Variants in THSD7A observed in about 807,000 individuals in gnomAD.
THSD7A encodes the protein thrombospondin type-1 domain-containing protein 7A.
A neutral mutation model predicts 231.3 loss-of-function variants in THSD7A; 96 were observed. The observed-to-expected ratio is 0.41, with a 90% CI of 0.35 to 0.49. The LOEUF (loss-of-function observed/expected upper bound fraction) is 0.49, where lower values mean the gene tolerates loss of function less well. Ranked by LOEUF, THSD7A falls within the 20% of genes least tolerant of loss-of-function variation. THSD7A has a pLI of 0.05. For synonymous variants in THSD7A, 940 were observed against 743.3 expected (o/e 1.26, Z -4.30); for missense variants, 2,290 against 2,070.2 (o/e 1.11, Z -2.06).
chr7:11,576,300 G>A (rs1790901432), intron 4 of THSD7A, among the ~76,000 whole-genome samples: 1 of 152,108 alleles, frequency 6.6e-6, no homozygotes, highest in South Asian at 2.1e-4. Flanking sequence ...ATCATTGAAT[G>A]CAAGCAATTT....
chr7:11,821,493 G>A (rs1784872604), intron 1 of THSD7A, among the ~76,000 whole-genome samples: 1 of 151,548 alleles, frequency 6.6e-6, no homozygotes. Flanking sequence ...AACAGAACAT[G>A]TAAATAAACT....
At chr7:11,765,209 A>T (rs1227620821) in intron 1 of THSD7A, among the ~76,000 whole-genome samples, 2 of 152,236 alleles carry the variant, frequency 1.3e-5, no homozygotes, top group Non-Finnish European at 2.9e-5. Flanking sequence ...GTTCACTATA[A>T]AGGAGAAAAA....
intron 1 of THSD7A, among the ~76,000 whole-genome samples, chr7:11,760,696 C>A (rs1456807637): frequency 6.6e-6 from 1 of 151,960 alleles, no homozygotes; most frequent in Admixed American, 6.6e-5. Context: ...CATGTTGTAC[C>A]AGAGGCTTTA....
chr7:11,829,097 A>G (rs1396909424), intron 1 of THSD7A, among the ~76,000 whole-genome samples: 2 of 152,088 alleles, frequency 1.3e-5, no homozygotes, highest in East Asian at 1.9e-4. Context: ...ATACATATAT[A>G]AAATATGTAT....
intron 1 of THSD7A, among the ~76,000 whole-genome samples, chr7:11,819,567 G>A (rs1784805519): frequency 6.6e-6 from 1 of 152,150 alleles, no homozygotes; most frequent in East Asian, 1.9e-4. Context: ...CAACTGAAAA[G>A]GCTACATACG....
chr7:11,738,326 A>G (rs1055305382), intron 1 of THSD7A, among the ~76,000 whole-genome samples: 8 of 151,996 alleles, frequency 5.3e-5, no homozygotes, highest in Non-Finnish European at 1.0e-4. Flanking sequence ...TTCAGATTTC[A>G]GTGTTTTCTG....
At chr7:11,803,792 G>A (rs186572660) in intron 1 of THSD7A, among the ~76,000 whole-genome samples, 1 of 152,230 alleles carries the variant, frequency 6.6e-6, no homozygotes, top group East Asian at 1.9e-4. Context: ...TCCATTCCAA[G>A]ACAATCTAAT....
intron 22 of THSD7A, among the ~76,000 whole-genome samples, chr7:11,404,645 C>T (rs977717954): frequency 2.6e-5 from 4 of 152,214 alleles, no homozygotes; most frequent in Non-Finnish European, 5.9e-5. Flanking sequence ...AGACTAGTTT[C>T]AGCAGCAGGA....
intron 1 of THSD7A, among the ~76,000 whole-genome samples, chr7:11,800,528 A>G (rs1784246005): frequency 6.6e-6 from 1 of 152,180 alleles, no homozygotes; most frequent in Non-Finnish European, 1.5e-5. Context: ...TAGCCTGGGC[A>G]ACAAGAACGA....
chr7:11,601,203 C>T lies in THSD7A; in HGVS notation c.1023-7701G>A, dbSNP rs540741948. Among the ~76,000 whole-genome samples, 201 of 152,050 alleles carry T rather than the reference C, an allele frequency of 1.3e-3. 1 individual carries two copies. The highest frequency in any genetic ancestry group is 4.6e-3 in the African/African-American group (192 of 41,468). ...TTCGTATTCATATGTATACATTATC[C>T]TCTTTTTCATACTTATTAAGCTCAT... On this transcript the variant is annotated intron_variant, in intron 2 of 27. Transcript: ENST00000423059.
intron 1 of THSD7A, among the ~76,000 whole-genome samples, chr7:11,812,604 T>A (rs538082092): frequency 2.0e-5 from 3 of 152,308 alleles, no homozygotes; most frequent in Non-Finnish European, 2.9e-5. Context: ...TCATTTACTC[T>A]ATCTCCCTGT....
intron 1 of THSD7A, among the ~76,000 whole-genome samples, chr7:11,696,072 T>C (rs1287963953): frequency 2.6e-5 from 4 of 151,504 alleles, no homozygotes. Flanking sequence ...ATTTGGGGAA[T>C]GCTGAGGTGA....
At chr7:11,667,428 T>C (rs1783184561) in intron 1 of THSD7A, among the ~76,000 whole-genome samples, 1 of 152,194 alleles carries the variant, frequency 6.6e-6, no homozygotes, top group South Asian at 2.1e-4. Flanking sequence ...CTTTATCTTT[T>C]ATAAACTCCC....
At chr7:11,821,313 T>G in intron 1 of THSD7A, 1 of 790,910 alleles carries the variant, frequency 1.3e-6, no homozygotes, top group Non-Finnish European at 2.3e-6. Flanking sequence ...AACCAACAGT[T>G]TTGTTCTTAA....
chr7:11,746,374 C>A (rs751469543), intron 1 of THSD7A, among the ~76,000 whole-genome samples: 13 of 151,742 alleles, frequency 8.6e-5, no homozygotes, highest in Non-Finnish European at 1.8e-4. Flanking sequence ...TGGATTTCAC[C>A]AGTTTTTCCA....
Position 11,424,700 on chromosome 7 carries a change from C to G in THSD7A, c.3379G>C (p.Val1127Leu), listed in dbSNP as rs1453822904. The change falls in exon 16 of 28, where the codon GTG becomes CTG. Residue 1127 changes from valine to leucine, a missense_variant. Physicochemically the swap from Val to Leu is conservative, Grantham distance 32. Coordinates refer to ENST00000423059, the MANE Select transcript of THSD7A (RefSeq NM_015204.3). ...TATAATTAGGCTTTGTCTTACCTCA[C>G]TTTTCGGGTTTGCACGCCCTCTCCA... Reference protein sequence around the residue: ...NCGEGVQTRKVRCMQNTADGP... With the variant: ...NCGEGVQTRKLRCMQNTADGP... 2.4e-5 allele frequency: 38 copies of G among 1,613,936 alleles called. No individual in the cohort carries two copies. The highest frequency in any genetic ancestry group is 3.1e-5 in the Non-Finnish European group (37 of 1,179,862).
chr7:11,715,244 G>C (rs1428891731), intron 1 of THSD7A, among the ~76,000 whole-genome samples: 1 of 151,400 alleles, frequency 6.6e-6, no homozygotes, highest in Non-Finnish European at 1.5e-5. Context: ...TTACAATGAA[G>C]TTTCATTTGC....
intron 23 of THSD7A, among the ~76,000 whole-genome samples, chr7:11,398,454 T>TGATG (rs956186504): frequency 6.6e-6 from 1 of 152,006 alleles, no homozygotes; most frequent in Non-Finnish European, 1.5e-5. Context: ...GATGATGGAT[T>TGATG]GATGGGTGCA....
intron 1 of THSD7A, among the ~76,000 whole-genome samples, chr7:11,699,783 C>T (rs991660246): frequency 2.6e-5 from 4 of 151,190 alleles, no homozygotes; most frequent in African/African-American, 2.4e-5. Flanking sequence ...TGAAGTGTGA[C>T]AGCTATCACA....
Sources: gnomAD v4.1 joint callset for allele counts (sites outside exome capture counted in the v4.1 genomes callset) on GRCh38, gnomAD v4.1.1 for gene constraint, MANE v1.5 for transcripts, NCBI Gene and HGNC (gene_info 2026-07-23, HGNC 2026-07-21) for gene names.